The following ACTR3B variants were observed in gnomAD, a reference collection of about 807,000 sequenced individuals.
The protein encoded by ACTR3B is actin-related protein 3B.
ACTR3B carries 8 observed loss-of-function variants against 59.0 expected under a neutral mutation model. That is an observed-to-expected ratio of 0.14 (90% confidence interval 0.08 to 0.24). ACTR3B has a LOEUF of 0.24. Among genes scored for constraint, ACTR3B ranks in the 10% least tolerant of loss-of-function variants. The pLI is 1.00. For synonymous variants in ACTR3B, 148 were observed against 197.9 expected (o/e 0.75, Z 2.12); for missense variants, 245 against 552.3 (o/e 0.44, Z 5.58).
chr7:152,780,366 A>AAG (rs71182040), intron 1 of ACTR3B, among the ~76,000 whole-genome samples: 2 of 148,624 alleles, frequency 1.3e-5, no homozygotes, highest in Non-Finnish European at 3.0e-5. Flanking sequence ...AAAAAAAAAA[A>AAG]TTAATATATC....
intron 1 of ACTR3B, among the ~76,000 whole-genome samples, chr7:152,767,235 CAACAT>C (rs1563070846): frequency 3.3e-5 from 5 of 152,070 alleles, no homozygotes; most frequent in African/African-American, 1.2e-4. Context: ...CTGTTTATCT[CAACAT>C]AATTTATGGA....
At chr7:152,835,755 A>AT (rs1797402561) in intron 9 of ACTR3B, among the ~76,000 whole-genome samples, 1 of 151,910 alleles carries the variant, frequency 6.6e-6, no homozygotes, top group African/African-American at 2.4e-5. Context: ...GCCTTGCTTT[A>AT]TTTTTTTCTC....
At chr7:152,780,669 G>A in intron 1 of ACTR3B, among the ~76,000 whole-genome samples, 1 of 151,340 alleles carries the variant, frequency 6.6e-6, no homozygotes, top group Non-Finnish European at 1.5e-5. Flanking sequence ...GGATGGAAAT[G>A]AGGCATAGTT....
chr7:152,810,295 T>C (rs895026961), intron 4 of ACTR3B, among the ~76,000 whole-genome samples: 71 of 152,062 alleles, frequency 4.7e-4, no homozygotes, highest in Non-Finnish European at 8.1e-4. Flanking sequence ...TTAGCAGAGA[T>C]GGGGTTTCCC....
chr7:152,812,017 G>GTTTTTTTTTTTTT (rs1156557265), intron 4 of ACTR3B: 1 of 45,460 alleles, frequency 2.2e-5, no homozygotes. Context: ...GAAAATAAAA[G>GTTTTTTTTTTTTT]TCTTTTTTTT....
intron 2 of ACTR3B, among the ~76,000 whole-genome samples, chr7:152,795,846 G>GTTT (rs1211375355): frequency 4.3e-5 from 6 of 139,812 alleles, no homozygotes; most frequent in Admixed American, 7.1e-5. Context: ...AGTAGCTCTT[G>GTTT]TTTTTTTTTT....
At chr7:152,836,902 G>T (rs1272434382) in intron 9 of ACTR3B, among the ~76,000 whole-genome samples, 2 of 152,216 alleles carry the variant, frequency 1.3e-5, no homozygotes, top group Non-Finnish European at 2.9e-5. Flanking sequence ...CGGCCTTCAT[G>T]GCTCATGTGT....
At chr7:152,846,745 G>T (rs1305016054) in intron 9 of ACTR3B, among the ~76,000 whole-genome samples, 1 of 141,748 alleles carries the variant, frequency 7.1e-6, no homozygotes, top group Non-Finnish European at 1.5e-5. Context: ...GCCCGGGGCT[G>T]TAGTCTGCAG....
At chr7:152,760,263 C>CTGAG (rs1158957901) in intron 1 of ACTR3B, among the ~76,000 whole-genome samples, 1 of 152,230 alleles carries the variant, frequency 6.6e-6, no homozygotes, top group Admixed American at 6.5e-5. Flanking sequence ...GGTGGACACC[C>CTGAG]TGAGGGACAC....
Position 152,818,110 on chromosome 7 carries a change from G to C in ACTR3B, c.540+1522G>C, listed in dbSNP as rs2462095. ...AGTGCCCTGGGTGCAGAGCACTCAC[G>C]GAGAACTCAGGCTTCCGTTTCCTCA... On this transcript the variant is annotated intron_variant, in intron 6 of 11. Transcript: ENST00000256001. 3.0e-3 allele frequency among the ~76,000 whole-genome samples: 452 copies of C among 152,214 alleles called. 5 individuals are homozygous for C. Among genetic ancestry groups the C allele is most frequent in the African/African-American group, 0.01 (423 of 41,506 alleles).
At chr7:152,831,040 G>A (rs1198423666) in intron 9 of ACTR3B, among the ~76,000 whole-genome samples, 1 of 152,204 alleles carries the variant, frequency 6.6e-6, no homozygotes, top group Non-Finnish European at 1.5e-5. Flanking sequence ...AGGCTAGTGG[G>A]CAGAGAAGGT....
chr7:152,839,518 GT>G (rs1410618630), intron 9 of ACTR3B, among the ~76,000 whole-genome samples: 1 of 147,622 alleles, frequency 6.8e-6, no homozygotes, highest in Non-Finnish European at 1.5e-5. Context: ...AGGAGTTGGT[GT>G]GTGGAATTGC....
chr7:152,815,162 TG>T (rs1427358469), intron 5 of ACTR3B, among the ~76,000 whole-genome samples: 1 of 151,960 alleles, frequency 6.6e-6, no homozygotes, highest in African/African-American at 2.4e-5. Context: ...ACTGAAATTT[TG>T]GGGAATAAAT....
intron 9 of ACTR3B, among the ~76,000 whole-genome samples, chr7:152,850,633 C>G (rs1798729919): frequency 6.6e-6 from 1 of 152,260 alleles, no homozygotes. Flanking sequence ...GTTCTAGGAG[C>G]TGGCATGAGA....
At chr7:152,843,406 A>G (rs929070326) in intron 9 of ACTR3B, among the ~76,000 whole-genome samples, 2 of 152,220 alleles carry the variant, frequency 1.3e-5, no homozygotes, top group Admixed American at 1.3e-4. Flanking sequence ...CACTCCATGG[A>G]TATCAATTAT....
At chr7:152,766,412 G>T (rs898766972) in intron 1 of ACTR3B, among the ~76,000 whole-genome samples, 3 of 152,192 alleles carry the variant, frequency 2.0e-5, no homozygotes, top group Non-Finnish European at 4.4e-5. Context: ...CAGAAGGAAA[G>T]CAAGGCATTG....
At chr7:152,762,054 G>A (rs1381842377) in intron 1 of ACTR3B, among the ~76,000 whole-genome samples, 1 of 152,154 alleles carries the variant, frequency 6.6e-6, no homozygotes, top group Admixed American at 6.5e-5. Flanking sequence ...AATTGTAAAA[G>A]CATTGAGCTA....
At chr7:152,845,965 T>G (rs1798237099) in intron 9 of ACTR3B, among the ~76,000 whole-genome samples, 2 of 152,278 alleles carry the variant, frequency 1.3e-5, no homozygotes, top group Admixed American at 1.3e-4. Context: ...ATGAATGCAT[T>G]TAAAACATTC....
intron 9 of ACTR3B, among the ~76,000 whole-genome samples, chr7:152,826,121 C>T (rs1038187577): frequency 6.6e-6 from 1 of 152,140 alleles, no homozygotes; most frequent in African/African-American, 2.4e-5. Flanking sequence ...GCTCAACTGA[C>T]AGCACTCAGC....
Sources: gnomAD v4.1 joint callset for allele counts (sites outside exome capture counted in the v4.1 genomes callset) on GRCh38, gnomAD v4.1.1 for gene constraint, MANE v1.5 for transcripts, NCBI Gene and HGNC (gene_info 2026-07-23, HGNC 2026-07-21) for gene names.